Variants in FAM78B observed in about 807,000 individuals in gnomAD.
FAM78B encodes protein FAM78B.
In FAM78B, 10 loss-of-function variants were observed where a neutral mutation model predicts 20.0. The observed-to-expected ratio is 0.50, with a 90% CI of 0.31 to 0.85. The LOEUF (loss-of-function observed/expected upper bound fraction) is 0.85. Among genes scored for constraint, FAM78B ranks in the 40% least tolerant of loss-of-function variants. The pLI is 0.05. For synonymous variants in FAM78B, 135 were observed against 132.8 expected, an observed-to-expected ratio of 1.02 and a Z score of -0.12; for missense variants, 283 against 345.0, an observed-to-expected ratio of 0.82 and a Z score of 1.42.
chr1:166,102,717 A>G (rs1441675941), intron 1 of FAM78B, among the ~76,000 whole-genome samples: 1 of 152,240 alleles, frequency 6.6e-6, no homozygotes, highest in Non-Finnish European at 1.5e-5. Flanking sequence ...GCAAGTCCTT[A>G]GAGACCTACA....
intron 1 of FAM78B, chr1:166,164,898 A>G (rs1039852206): frequency 3.9e-5 from 6 of 152,262 alleles, no homozygotes; most frequent in African/African-American, 1.4e-4. Context: ...CTAGACCTAC[A>G]TTGTAACAGC....
At chr1:166,082,610 C>T (rs1652625533) in intron 1 of FAM78B, 1 of 152,264 alleles carries the variant, frequency 6.6e-6, no homozygotes. Flanking sequence ...GACAGTTTTC[C>T]ACTAGACTGC....
At chr1:166,148,927 G>C (rs917874711) in intron 1 of FAM78B, among the ~76,000 whole-genome samples, 4 of 152,202 alleles carry the variant, frequency 2.6e-5, no homozygotes, top group Admixed American at 6.5e-5. Context: ...AGTTTACTGA[G>C]AATGATGATT....
intron 1 of FAM78B, among the ~76,000 whole-genome samples, chr1:166,119,016 A>G (rs965460139): frequency 1.3e-5 from 2 of 152,074 alleles, no homozygotes; most frequent in African/African-American, 4.8e-5. Flanking sequence ...CAGGCCTCAC[A>G]CTTCCAAGTT....
At chr1:166,138,886 T>A (rs1236335679) in intron 1 of FAM78B, among the ~76,000 whole-genome samples, 1 of 152,252 alleles carries the variant, frequency 6.6e-6, no homozygotes, top group African/African-American at 2.4e-5. Flanking sequence ...AATTAATAAT[T>A]GGTCTTATTT....
chr1:166,074,561 T>G (rs1652192336), intron 1 of FAM78B, among the ~76,000 whole-genome samples: 1 of 152,172 alleles, frequency 6.6e-6, no homozygotes, highest in South Asian at 2.1e-4. Flanking sequence ...AGTAAATACT[T>G]TATTTGAATT....
chr1:166,064,729 A>G (rs1651737365), downstream of FAM78B, among the ~76,000 whole-genome samples: 1 of 152,208 alleles, frequency 6.6e-6, no homozygotes, highest in African/African-American at 2.4e-5. Context: ...CATCAGCTTC[A>G]GGCCCTGTGA....
chr1:166,144,190 T>G (rs986856808), intron 1 of FAM78B, among the ~76,000 whole-genome samples: 1 of 152,130 alleles, frequency 6.6e-6, no homozygotes, highest in African/African-American at 2.4e-5. Context: ...CGCCAAACTC[T>G]AAATTTCCTG....
At chr1:166,100,879 T>G (rs1474179511) in intron 1 of FAM78B, among the ~76,000 whole-genome samples, 1 of 152,218 alleles carries the variant, frequency 6.6e-6, no homozygotes, top group African/African-American at 2.4e-5. Flanking sequence ...GATCTGAGAA[T>G]GGACAGACTG....
chr1:166,121,991 C>T (rs1223248638), intron 1 of FAM78B, among the ~76,000 whole-genome samples: 1 of 152,182 alleles, frequency 6.6e-6, no homozygotes, highest in Non-Finnish European at 1.5e-5. Flanking sequence ...GTACTCATGG[C>T]CTATATTCAT....
intron 1 of FAM78B, among the ~76,000 whole-genome samples, chr1:166,114,969 G>A (rs765203836): frequency 2.6e-5 from 4 of 152,160 alleles, no homozygotes; most frequent in Non-Finnish European, 5.9e-5. Context: ...TGATAGCATA[G>A]AGGTGGTGAT....
At chr1:166,083,139 C>G (rs1652648444) in intron 1 of FAM78B, among the ~76,000 whole-genome samples, 1 of 151,998 alleles carries the variant, frequency 6.6e-6, no homozygotes. Flanking sequence ...TATAGGCAAA[C>G]CTTAGTTAAC....
intron 1 of FAM78B, among the ~76,000 whole-genome samples, chr1:166,102,446 C>A (rs1401926968): frequency 1.3e-5 from 2 of 152,172 alleles, no homozygotes; most frequent in African/African-American, 4.8e-5. Context: ...CATCAGTGTG[C>A]TGTATTCAGG....
At chr1:166,101,236 T>TG (rs1448572025) in intron 1 of FAM78B, among the ~76,000 whole-genome samples, 1 of 151,916 alleles carries the variant, frequency 6.6e-6, no homozygotes, top group South Asian at 2.1e-4. Flanking sequence ...ACCACAAAGA[T>TG]GGGGAAAAAA....
chr1:166,060,780 G>C (rs1042228968), intron 2 of FAM78B: 13 of 505,560 alleles, frequency 2.6e-5, no homozygotes, highest in Non-Finnish European at 3.9e-5. Flanking sequence ...ATTTCAAGGG[G>C]AGATGACCCT....
At chr1:166,109,917 T>TAC (rs1355271248) in intron 1 of FAM78B, among the ~76,000 whole-genome samples, 1 of 109,796 alleles carries the variant, frequency 9.1e-6, no homozygotes, top group Non-Finnish European at 1.9e-5. Context: ...TATATATATA[T>TAC]ATAATGGAAT....
At chr1:166,077,247 C>T (rs767090430) in intron 1 of FAM78B, among the ~76,000 whole-genome samples, 1 of 152,134 alleles carries the variant, frequency 6.6e-6, no homozygotes, top group Non-Finnish European at 1.5e-5. Context: ...TGGCTGAAAG[C>T]AGCATTCTGG....
chr1:166,133,469 A>G (rs1654952060), intron 1 of FAM78B, among the ~76,000 whole-genome samples: 1 of 152,228 alleles, frequency 6.6e-6, no homozygotes, highest in East Asian at 1.9e-4. Context: ...GATATGAAAC[A>G]AAACACAAGA....
chr1:166,108,745 A>G (rs925625663), intron 1 of FAM78B, among the ~76,000 whole-genome samples: 3 of 152,212 alleles, frequency 2.0e-5, no homozygotes, highest in Admixed American at 2.0e-4. Flanking sequence ...GCATCACACT[A>G]CCTGATTTCA....
Sources: allele counts gnomAD v4.1 joint callset (sites outside exome capture counted in the v4.1 genomes callset), GRCh38; gene constraint gnomAD v4.1.1; transcripts MANE v1.5; gene names NCBI Gene and HGNC (gene_info 2026-07-23, HGNC 2026-07-21).